The following TMEM232 variants were observed in gnomAD, a reference collection of about 807,000 sequenced individuals.
TMEM232 encodes transmembrane protein 232.
TMEM232 carries 80 observed loss-of-function variants against 78.8 expected under a neutral mutation model. The observed-to-expected ratio is 1.01, with a 90% CI of 0.85 to 1.22. The LOEUF (loss-of-function observed/expected upper bound fraction) is 1.22. TMEM232 is among the 50% of genes most tolerant of loss of function. The pLI is 0.00. For synonymous variants in TMEM232, 297 were observed against 254.3 expected, an observed-to-expected ratio of 1.17 and a Z score of -1.60; for missense variants, 881 against 742.2, an observed-to-expected ratio of 1.19 and a Z score of -2.17.
intron 5 of TMEM232, among the ~76,000 whole-genome samples, chr5:110,630,206 G>A (rs1784940436): frequency 6.6e-6 from 1 of 152,174 alleles, no homozygotes; most frequent in South Asian, 2.1e-4. Flanking sequence ...GAATAATAAA[G>A]AGCAAGCTTT....
chr5:110,521,919 T>A (rs1769575248), intron 12 of TMEM232, among the ~76,000 whole-genome samples: 1 of 152,192 alleles, frequency 6.6e-6, no homozygotes, highest in Non-Finnish European at 1.5e-5. Context: ...TTCTTCCTTC[T>A]CAAGATTGAT....
At chr5:110,499,926 C>G (rs1766060471) in intron 12 of TMEM232, among the ~76,000 whole-genome samples, 1 of 152,132 alleles carries the variant, frequency 6.6e-6, no homozygotes, top group Admixed American at 6.6e-5. Flanking sequence ...CACAAAACTG[C>G]AGAATGCATA....
At chr5:110,489,992 C>T (rs912409841) in intron 12 of TMEM232, among the ~76,000 whole-genome samples, 74 of 151,710 alleles carry the variant, frequency 4.9e-4, no homozygotes, top group African/African-American at 1.8e-3. Context: ...GGTGTGGTGG[C>T]GCGTGCCTAT....
intron 12 of TMEM232, among the ~76,000 whole-genome samples, chr5:110,526,087 T>TGTA (rs1770557842): frequency 5.6e-5 from 7 of 126,024 alleles, no homozygotes; most frequent in African/African-American, 2.1e-4. Context: ...ACATAACAAA[T>TGTA]CCTTAAAAAT....
At chr5:110,451,035 A>G (rs978331129) in intron 12 of TMEM232, among the ~76,000 whole-genome samples, 5 of 152,188 alleles carry the variant, frequency 3.3e-5, no homozygotes, top group African/African-American at 4.8e-5. Flanking sequence ...CTAAATGACC[A>G]CATGGTAGGT....
chr5:110,659,803 T>C (rs550905323), intron 2 of TMEM232, among the ~76,000 whole-genome samples: 73 of 152,196 alleles, frequency 4.8e-4, no homozygotes, highest in Non-Finnish European at 8.8e-4. Flanking sequence ...TGGATACATT[T>C]GAGAATGGGA....
intron 12 of TMEM232, among the ~76,000 whole-genome samples, chr5:110,499,809 A>G (rs1766044158): frequency 6.6e-6 from 1 of 152,184 alleles, no homozygotes; most frequent in African/African-American, 2.4e-5. Flanking sequence ...ATAGTTCAAC[A>G]TTTGTATAAT....
At chr5:110,611,539 G>A (rs939285099) in intron 8 of TMEM232, among the ~76,000 whole-genome samples, 9 of 152,064 alleles carry the variant, frequency 5.9e-5, no homozygotes, top group Non-Finnish European at 8.8e-5. Context: ...CCTATCAGGC[G>A]TTTCTGGCTG....
chr5:110,435,456 A>G (rs1758324393), intron 12 of TMEM232, among the ~76,000 whole-genome samples: 1 of 151,778 alleles, frequency 6.6e-6, no homozygotes, highest in African/African-American at 2.4e-5. Flanking sequence ...CATCCCCTCA[A>G]GCATTCCTTG....
At chr5:110,501,378 AGT>A in intron 12 of TMEM232, among the ~76,000 whole-genome samples, 1 of 152,022 alleles carries the variant, frequency 6.6e-6, no homozygotes, top group East Asian at 1.9e-4. Flanking sequence ...AATACTAATT[AGT>A]CTTATTATAA....
At chr5:110,508,661 A>G (rs1767252686) in intron 12 of TMEM232, among the ~76,000 whole-genome samples, 1 of 150,324 alleles carries the variant, frequency 6.7e-6, no homozygotes, top group Non-Finnish European at 1.5e-5. Flanking sequence ...AGCCCTTGAC[A>G]TGAACATTTT....
At chr5:110,580,044 G>A (rs1460928079) in intron 10 of TMEM232, among the ~76,000 whole-genome samples, 2 of 151,478 alleles carry the variant, frequency 1.3e-5, no homozygotes, top group Non-Finnish European at 3.0e-5. Context: ...CAGGCTTTAA[G>A]TCAAAAAACG....
intron 11 of TMEM232, among the ~76,000 whole-genome samples, chr5:110,544,216 T>C (rs1258087525): frequency 6.6e-6 from 1 of 152,140 alleles, no homozygotes; most frequent in Non-Finnish European, 1.5e-5. Flanking sequence ...CAAATGGGAA[T>C]TTTAAAAATA....
At chr5:110,702,209 T>G (rs1561540183) in intron 1 of TMEM232, among the ~76,000 whole-genome samples, 1 of 152,070 alleles carries the variant, frequency 6.6e-6, no homozygotes, top group South Asian at 2.1e-4. Context: ...TGGGCCATAT[T>G]TGGGCTGCTG....
At chr5:110,523,136 G>C (rs1346962661) in intron 12 of TMEM232, among the ~76,000 whole-genome samples, 1 of 152,056 alleles carries the variant, frequency 6.6e-6, no homozygotes, top group Non-Finnish European at 1.5e-5. Context: ...GACTTGGTAG[G>C]TTTTATGTTT....
rs149534676 is a variant in TMEM232 at position 110,722,114 on chromosome 5, G to C, written c.-13+4513C>G. Among the ~76,000 whole-genome samples the C allele has an allele frequency of 2.4e-4, 36 of 152,186 alleles. 1 individual carries two copies. Among genetic ancestry groups the C allele is most frequent in the South Asian group, 4.1e-4 (2 of 4,822 alleles). ...ATAGAGATGTGGTAGGGTGGAAATG[G>C]AAGACAGAATGAGAGAAGAAAGGAC... is the stretch of plus-strand genomic sequence containing the variant. On this transcript the variant is annotated intron_variant, in intron 1 of 13. Coordinates refer to ENST00000455884, the MANE Select transcript of TMEM232 (RefSeq NM_001039763.4).
At chr5:110,610,659 C>T (rs2149853252) in intron 8 of TMEM232, 1 of 402,682 alleles carries the variant, frequency 2.5e-6, no homozygotes, top group East Asian at 7.4e-5. Context: ...CAAAGATGTT[C>T]CTAAAAAATT....
At chr5:110,482,479 G>A (rs1055910574) in intron 12 of TMEM232, among the ~76,000 whole-genome samples, 2 of 151,854 alleles carry the variant, frequency 1.3e-5, no homozygotes, top group African/African-American at 4.8e-5. Context: ...TACTCGGGAG[G>A]CTGAGGCAGG....
rs1214192131 is a variant in TMEM232, at chr5:110,664,918, AT to A, written c.125+2309del. Among the ~76,000 whole-genome samples, 3 of 152,164 alleles carry A rather than the reference AT, an allele frequency of 2.0e-5. No individual in the cohort carries two copies. In the East Asian group the frequency reaches 5.8e-4, roughly 29 times the overall value. On this transcript the variant is annotated intron_variant, in intron 2 of 13. Transcript: ENST00000455884. ...CTTTGTTAACTCCAGGGCTTTTCAA[AT>A]TTGTTTAAACGAAGAACCTAACCCC...
Sources: gnomAD v4.1 joint callset for allele counts (sites outside exome capture counted in the v4.1 genomes callset) on GRCh38, gnomAD v4.1.1 for gene constraint, MANE v1.5 for transcripts, NCBI Gene and HGNC (gene_info 2026-07-23, HGNC 2026-07-21) for gene names.